The following RABGAP1L variants were observed in gnomAD, a reference collection of about 807,000 sequenced individuals.
The protein encoded by RABGAP1L is rab GTPase-activating protein 1-like.
Under a neutral mutation model 137.7 loss-of-function variants are expected in RABGAP1L, and 63 were observed. That is an observed-to-expected ratio of 0.46 (90% confidence interval 0.37 to 0.56). The LOEUF is 0.56. Among genes scored for constraint, RABGAP1L ranks in the 20% least tolerant of loss-of-function variants. The pLI is 0.00. For missense variants in RABGAP1L, 1,095 were observed against 1,244.0 expected (o/e 0.88, Z 1.80); for synonymous variants, 431 against 433.7 (o/e 0.99, Z 0.08).
At chr1:174,414,332 A>G (rs947986471) in intron 13 of RABGAP1L, among the ~76,000 whole-genome samples, 22 of 152,030 alleles carry the variant, frequency 1.4e-4, no homozygotes, top group Admixed American at 7.9e-4. Context: ...CTGAAAAGTG[A>G]TATTCATTAT....
At chr1:174,239,600 G>T (rs1671607074) in intron 4 of RABGAP1L, among the ~76,000 whole-genome samples, 1 of 151,446 alleles carries the variant, frequency 6.6e-6, no homozygotes, top group South Asian at 2.1e-4. Flanking sequence ...TCTTTGAATT[G>T]ATATTATATT....
At chr1:174,889,674 T>C (rs983050897) in intron 19 of RABGAP1L, among the ~76,000 whole-genome samples, 1 of 151,924 alleles carries the variant, frequency 6.6e-6, no homozygotes, top group Non-Finnish European at 1.5e-5. Context: ...CAAGCAATCC[T>C]CCCACCTCAG....
chr1:174,562,403 G>A (rs1460956733), intron 13 of RABGAP1L, among the ~76,000 whole-genome samples: 1 of 152,168 alleles, frequency 6.6e-6, no homozygotes, highest in African/African-American at 2.4e-5. Flanking sequence ...TTGCACTGTT[G>A]GTGGGGGTAT....
At chr1:174,902,165 G>A (rs913976336) in intron 19 of RABGAP1L, among the ~76,000 whole-genome samples, 2 of 152,218 alleles carry the variant, frequency 1.3e-5, no homozygotes, top group Non-Finnish European at 2.9e-5. Context: ...GGAGGAACGG[G>A]ATGAGGGACC....
chr1:174,904,750 A>G (rs1658751576), intron 19 of RABGAP1L, among the ~76,000 whole-genome samples: 1 of 151,992 alleles, frequency 6.6e-6, no homozygotes, highest in African/African-American at 2.4e-5. Flanking sequence ...CCTGGGTTCA[A>G]GCAGTCCTCC....
intron 13 of RABGAP1L, among the ~76,000 whole-genome samples, chr1:174,457,947 A>C (rs115986853): frequency 0.02 from 3,064 of 152,278 alleles, 110 homozygotes; most frequent in African/African-American, 0.071. Flanking sequence ...ATGTAGGCCT[A>C]ATATTTTGAA....
At position 174,287,853 on chromosome 1, in the gene RABGAP1L, A is replaced by C. The variant is rs1571927028; in HGVS notation, c.1323+9074A>C. ...TTTAATTATTGGTAGGTAAGGACTT[A>C]TTATTGTCATTTTATTAATTTTTAA... On this transcript the variant is annotated intron_variant, in intron 10 of 25. Coordinates refer to ENST00000681986, the MANE Select transcript of RABGAP1L (RefSeq NM_001366446.1). Among the ~76,000 whole-genome samples, 3 of 151,062 alleles carry C rather than the reference A, an allele frequency of 2.0e-5. No individual in the cohort carries two copies. In the East Asian group the frequency reaches 5.8e-4, roughly 29 times the overall value.
intron 13 of RABGAP1L, among the ~76,000 whole-genome samples, chr1:174,560,911 C>T (rs1333405519): frequency 3.3e-5 from 5 of 152,162 alleles, no homozygotes; most frequent in African/African-American, 1.2e-4. Context: ...AGAACCACTG[C>T]TTTAAATCAC....
Position 174,929,031 on chromosome 1 carries a change from AC to A in RABGAP1L, c.2341-28425del, listed in dbSNP as rs1663282697. Reference sequence around the variant, plus strand: ...AATTGAACAATGATAACACTTGGACACAGGAAGGGGAACATCACACACTGGG... The same window carrying A: ...AATTGAACAATGATAACACTTGGACAAGGAAGGGGAACATCACACACTGGG... On this transcript the variant is annotated intron_variant, in intron 19 of 25. Transcript: ENST00000681986. 2.0e-5 allele frequency among the ~76,000 whole-genome samples: 3 copies of A among 151,934 alleles called. No homozygotes were observed. In the South Asian group the frequency reaches 6.2e-4, roughly 32 times the overall value.
chr1:174,589,530 G>T (rs944575977), intron 13 of RABGAP1L, among the ~76,000 whole-genome samples: 3 of 151,966 alleles, frequency 2.0e-5, no homozygotes, highest in African/African-American at 4.8e-5. Context: ...AGAAATTTTT[G>T]CCCAGCTTGA....
intron 1 of RABGAP1L, among the ~76,000 whole-genome samples, chr1:174,191,014 C>T (rs951782697): frequency 5.9e-5 from 9 of 152,276 alleles, no homozygotes; most frequent in Non-Finnish European, 7.4e-5. Context: ...CTCTGAAGTT[C>T]GCTGTCTTAG....
chr1:174,980,252 G>A (rs1009365110), intron 23 of RABGAP1L, among the ~76,000 whole-genome samples: 3 of 151,756 alleles, frequency 2.0e-5, no homozygotes, highest in Non-Finnish European at 2.9e-5. Flanking sequence ...GCATATTCAC[G>A]GACGATTGAT....
intron 13 of RABGAP1L, among the ~76,000 whole-genome samples, chr1:174,432,693 A>G (rs1363271351): frequency 6.6e-6 from 1 of 152,138 alleles, no homozygotes; most frequent in Non-Finnish European, 1.5e-5. Flanking sequence ...GTGCGCCTCC[A>G]TGCCCAGCTA....
rs182867893 is a variant in RABGAP1L at position 174,549,512 on chromosome 1, C to T, written c.1711-87863C>T. On this transcript the variant is annotated intron_variant, in intron 13 of 25. Transcript: ENST00000681986. ...TAAAGAGAAAAGCCACTGCAAGTCT[C>T]TACAAAGTTGGCCACCATTCCAGGC... is the stretch of plus-strand genomic sequence containing the variant. Among the ~76,000 whole-genome samples, 19 of 152,198 alleles carry T rather than the reference C, an allele frequency of 1.2e-4. No homozygotes were observed. The East Asian group carries it at 3.3e-3, about 26-fold the overall frequency.
chr1:174,285,607 T>C (rs576829148), intron 10 of RABGAP1L, among the ~76,000 whole-genome samples: 1 of 152,202 alleles, frequency 6.6e-6, no homozygotes, highest in Admixed American at 6.5e-5. Flanking sequence ...CATTTCCAAT[T>C]TGGATGCCTT....
At chr1:174,575,152 A>G (rs1415117934) in intron 13 of RABGAP1L, among the ~76,000 whole-genome samples, 1 of 151,960 alleles carries the variant, frequency 6.6e-6, no homozygotes, top group Non-Finnish European at 1.5e-5. Flanking sequence ...CTGGTCGCGA[A>G]CTCCCGACCT....
In RABGAP1L at chr1:174,672,049, T is replaced by G. The variant is rs1234399678; in HGVS notation, c.1825-11473T>G. 2.0e-5 allele frequency among the ~76,000 whole-genome samples: 3 copies of G among 152,144 alleles called. No homozygotes were observed. The East Asian group carries it at 5.8e-4, about 29-fold the overall frequency. On this transcript the variant is annotated intron_variant, in intron 14 of 25. Coordinates refer to ENST00000681986, the MANE Select transcript of RABGAP1L (RefSeq NM_001366446.1). ...GTAAGGAGACTGAATCAGTAATATT[T>G]CATCCTTGATCAGTTGCATATGTAC...
At position 174,606,264 on chromosome 1, in the gene RABGAP1L, T is replaced by A. The variant is rs191352427; in HGVS notation, c.1711-31111T>A. Among the ~76,000 whole-genome samples, 41 of 152,164 alleles carry A rather than the reference T, an allele frequency of 2.7e-4. No individual in the cohort carries two copies. The Middle Eastern group carries it at 0.017, about 64-fold the overall frequency. Reference sequence around the variant, plus strand: ...ATGGCTAAGTGTAGATGTTAATTGTTTAAAATATGCAACTCATAAATTTTG... The same window carrying A: ...ATGGCTAAGTGTAGATGTTAATTGTATAAAATATGCAACTCATAAATTTTG... On this transcript the variant is annotated intron_variant, in intron 13 of 25. Coordinates refer to ENST00000681986, the MANE Select transcript of RABGAP1L (RefSeq NM_001366446.1).
chr1:174,524,204 G>GGTT (rs1553321751), intron 13 of RABGAP1L, among the ~76,000 whole-genome samples: 13 of 148,882 alleles, frequency 8.7e-5, no homozygotes, highest in Admixed American at 2.0e-4. Context: ...TGTTGTTGTT[G>GGTT]TTGTTTTTTT....
Sources: allele counts gnomAD v4.1 joint callset (sites outside exome capture counted in the v4.1 genomes callset), GRCh38; gene constraint gnomAD v4.1.1; transcripts MANE v1.5; gene names NCBI Gene and HGNC (gene_info 2026-07-23, HGNC 2026-07-21).